Variants in SLC41A2 observed in about 807,000 individuals in gnomAD.
The protein encoded by SLC41A2 is SLC41A1-like 1.
In SLC41A2, 32 loss-of-function variants were observed where a neutral mutation model predicts 58.3. That is an observed-to-expected ratio of 0.55 (90% CI 0.41 to 0.74). The LOEUF (loss-of-function observed/expected upper bound fraction) is 0.74, where lower values mean the gene tolerates loss of function less well. SLC41A2 is among the 30% of genes least tolerant of loss of function. The pLI is 0.00. For missense variants in SLC41A2, 514 were observed against 680.6 expected (o/e 0.76, Z 2.72); for synonymous variants, 190 against 235.0 (o/e 0.81, Z 1.75).
intron 3 of SLC41A2, among the ~76,000 whole-genome samples, chr12:104,906,569 A>G (rs762055919): frequency 6.6e-6 from 1 of 152,216 alleles, no homozygotes; most frequent in Non-Finnish European, 1.5e-5. Flanking sequence ...TTGGACTTCC[A>G]GGTATTCCTA....
chr12:104,838,431 T>C (rs1190742976), intron 10 of SLC41A2, among the ~76,000 whole-genome samples: 1 of 152,210 alleles, frequency 6.6e-6, no homozygotes, highest in African/African-American at 2.4e-5. Context: ...CTTGAGAATA[T>C]GAGTCTGTTG....
intron 2 of SLC41A2, 88 bp from the exon 3 acceptor site, chr12:104,909,850 T>C (rs1439394353): frequency 3.4e-6 from 3 of 880,834 alleles, no homozygotes; most frequent in African/African-American, 1.7e-5. Flanking sequence ...TCAGCCTTTT[T>C]CCCAACTTGG....
intron 10 of SLC41A2, among the ~76,000 whole-genome samples, chr12:104,842,872 T>C (rs898642680): frequency 2.1e-4 from 32 of 152,058 alleles, no homozygotes; most frequent in African/African-American, 7.2e-4. Flanking sequence ...AAATAATCCA[T>C]GAGGCTAAGA....
intron 3 of SLC41A2, among the ~76,000 whole-genome samples, chr12:104,905,693 C>A (rs959402560): frequency 1.3e-5 from 2 of 152,242 alleles, no homozygotes; most frequent in African/African-American, 2.4e-5. Context: ...AGAAATCGAG[C>A]GCAGCGCCGG....
Position 104,861,013 on chromosome 12 carries a change from A to G in SLC41A2, c.1255+278T>C, listed in dbSNP as rs1370909727. Among the ~76,000 whole-genome samples the G allele has an allele frequency of 3.3e-5, 5 of 152,220 alleles. No homozygotes were observed. The East Asian group carries it at 9.6e-4, about 29-fold the overall frequency. On this transcript the variant is annotated intron_variant, in intron 8 of 10. Transcript: ENST00000258538. ...ATGTAAATAATAAACAAAATCTGAA[A>G]TATATTTTGCCACATTAATCTTAAG...
intron 6 of SLC41A2, among the ~76,000 whole-genome samples, chr12:104,883,833 A>C (rs981025830): frequency 6.6e-6 from 1 of 152,236 alleles, no homozygotes; most frequent in African/African-American, 2.4e-5. Flanking sequence ...CCGTTCTCAG[A>C]TCTCAAACTC....
intron 10 of SLC41A2, among the ~76,000 whole-genome samples, chr12:104,827,377 C>A (rs2041883278): frequency 6.6e-6 from 1 of 152,180 alleles, no homozygotes. Flanking sequence ...GAGAAAGAAG[C>A]TTTAATGGCC....
chr12:104,937,995 A>G (rs866130700), intron 1 of SLC41A2, among the ~76,000 whole-genome samples: 2 of 152,206 alleles, frequency 1.3e-5, no homozygotes, highest in South Asian at 2.1e-4. Context: ...ACTGAGAGGC[A>G]TGTGCCCCAC....
At position 104,863,924 on chromosome 12, in the gene SLC41A2, C is replaced by T. The variant is rs78819744; in HGVS notation, c.1175+2508G>A. ...CATGTGTAACTAAGTTTATGAAGTA[C>T]CTTTCAATACAGTCAAACTCATCAA... On this transcript the variant is annotated intron_variant, in intron 7 of 10. Transcript: ENST00000258538. Among the ~76,000 whole-genome samples, 1,324 of 151,936 alleles carry T rather than the reference C, an allele frequency of 8.7e-3. 39 individuals carry two copies. The East Asian group carries it at 0.12, about 14-fold the overall frequency.
At chr12:104,867,483 T>C (rs2043524594) in intron 6 of SLC41A2, among the ~76,000 whole-genome samples, 1 of 152,020 alleles carries the variant, frequency 6.6e-6, no homozygotes, top group African/African-American at 2.4e-5. Context: ...CTTAATATTT[T>C]GATCTTACAG....
intron 3 of SLC41A2, among the ~76,000 whole-genome samples, chr12:104,904,501 C>A (rs191384923): frequency 2.2e-4 from 33 of 152,314 alleles, no homozygotes. Context: ...CATATAATTT[C>A]ACTAATTCTC....
At chr12:104,917,785 C>G (rs1255331379) in intron 2 of SLC41A2, among the ~76,000 whole-genome samples, 4 of 122,470 alleles carry the variant, frequency 3.3e-5, no homozygotes, top group African/African-American at 1.3e-4. Flanking sequence ...AACACATGGA[C>G]ACAGGAAGGG....
At chr12:104,952,410 T>C (rs1200844239) in intron 1 of SLC41A2, among the ~76,000 whole-genome samples, 1 of 152,160 alleles carries the variant, frequency 6.6e-6, no homozygotes, top group Admixed American at 6.6e-5. Context: ...AGTGGGAAGA[T>C]TTTTTACAAG....
chr12:104,851,224 G>T (rs2042786782), intron 8 of SLC41A2, among the ~76,000 whole-genome samples: 1 of 151,902 alleles, frequency 6.6e-6, no homozygotes, highest in African/African-American at 2.4e-5. Flanking sequence ...TTCTGACTTG[G>T]CATTTTCTTA....
intron 8 of SLC41A2, among the ~76,000 whole-genome samples, chr12:104,853,668 C>T (rs1047780854): frequency 2.6e-5 from 4 of 151,938 alleles, no homozygotes; most frequent in African/African-American, 9.7e-5. Flanking sequence ...TCTAAATTTT[C>T]TACTTCCTTT....
In SLC41A2 at chr12:104,888,624, A is replaced by G. The variant is rs546098953; in HGVS notation, c.880+409T>C. 2.0e-5 allele frequency among the ~76,000 whole-genome samples: 3 copies of G among 152,260 alleles called. No homozygotes were observed. In the East Asian group the frequency reaches 5.8e-4, roughly 29 times the overall value. On this transcript the variant is annotated intron_variant, in intron 5 of 10. Transcript: ENST00000258538. ...GAAGAAATTTTTCTTGAAATCTGAA[A>G]CAAAAAAATTTCAACAGAGGATGAC... is the stretch of plus-strand genomic sequence containing the variant.
chr12:104,882,893 G>A (rs1330480887), intron 6 of SLC41A2, among the ~76,000 whole-genome samples: 1 of 152,130 alleles, frequency 6.6e-6, no homozygotes, highest in Admixed American at 6.5e-5. Flanking sequence ...AAGTTCTCCT[G>A]GATAATATCC....
chr12:104,941,478 C>A lies in SLC41A2; in HGVS notation c.-167-12784G>T, dbSNP rs539588238. The stretch of plus-strand genomic sequence containing the variant: ...GCCACGGATTTTGTTCTCAGAATCA[C>A]AACCCTCAACTCTCGCCTCCCAAAA... On this transcript the variant is annotated intron_variant, in intron 1 of 10. Coordinates refer to ENST00000258538, the MANE Select transcript of SLC41A2 (RefSeq NM_001352171.3). 1.7e-3 allele frequency among the ~76,000 whole-genome samples: 262 copies of A among 152,240 alleles called. 2 individuals carry two copies. Among genetic ancestry groups the A allele is most frequent in the Non-Finnish European group, 3.2e-3 (216 of 68,010 alleles).
At chr12:104,869,130 G>C (rs1384750959) in intron 6 of SLC41A2, among the ~76,000 whole-genome samples, 2 of 152,226 alleles carry the variant, frequency 1.3e-5, no homozygotes, top group East Asian at 3.9e-4. Flanking sequence ...CTCCCAAAGT[G>C]CTGGGATTAC....
Sources: allele counts gnomAD v4.1 joint callset (sites outside exome capture counted in the v4.1 genomes callset), GRCh38; gene constraint gnomAD v4.1.1; transcripts MANE v1.5; gene names NCBI Gene and HGNC (gene_info 2026-07-23, HGNC 2026-07-21).